NEK4: variants seen among roughly 807,000 people sequenced by gnomAD.
NEK4 encodes the protein serine/threonine-protein kinase Nek4.
NEK4 carries 86 observed loss-of-function variants against 98.4 expected under a neutral mutation model. The observed-to-expected ratio is 0.87, with a 90% CI of 0.73 to 1.05. NEK4 has a LOEUF of 1.05. NEK4 is among the 50% of genes least tolerant of loss of function. NEK4 has a pLI of 0.00. For synonymous variants in NEK4, 328 were observed against 342.2 expected, an observed-to-expected ratio of 0.96 and a Z score of 0.46; for missense variants, 898 against 950.3, an observed-to-expected ratio of 0.94 and a Z score of 0.72.
chr3:52,763,276 A>G (rs974000058), intron 5 of NEK4, among the ~76,000 whole-genome samples, 194 bp downstream of exon 5: 6 of 152,258 alleles, frequency 3.9e-5, no homozygotes, highest in Admixed American at 2.6e-4. Context: ...CTGTTAAATT[A>G]TAAGTTTAAT....
chr3:52,746,898 C>A lies in NEK4; in HGVS notation c.1513G>T (p.Val505Phe). 1.2e-6 allele frequency: 2 copies of A among 1,611,606 alleles called. No homozygotes were observed. The highest frequency in any genetic ancestry group is 1.7e-6 in the Non-Finnish European group (2 of 1,178,006). The change falls in exon 9 of 16, where the codon GTT becomes TTT. Residue 505 changes from valine to phenylalanine, a missense_variant. Val to Phe is a conservative substitution (Grantham distance 50, BLOSUM62 -1). Transcript: ENST00000233027. ...TGVCHHAQDQVAGECIIEKQG... is the reference protein window; with the variant it reads ...TGVCHHAQDQFAGECIIEKQG... ...TTTTCTATAATACATTCACCAGCAA[C>A]TTGATCCTTAAAAACAATAAAATGA...
intron 4 of NEK4, among the ~76,000 whole-genome samples, chr3:52,765,287 G>T (rs553347021): frequency 2.0e-5 from 3 of 150,764 alleles, no homozygotes; most frequent in Admixed American, 6.6e-5. Flanking sequence ...GGAGGTAGAG[G>T]TTGCTGTGAG....
Position 52,766,325 on chromosome 3 carries a change from G to C in NEK4, c.411C>G (p.Val137=). 3 of 1,614,056 alleles carry C rather than the reference G, an allele frequency of 1.9e-6. No homozygotes were observed. Among genetic ancestry groups the C allele is most frequent in the Non-Finnish European group, 2.5e-6 (3 of 1,179,948 alleles). The part of the protein sequence containing the change: ...ILHRDLKTQN[V]FLTRTNIIKV... ...TGATGATGTTTGTTCTTGTTAGGAA[G>C]ACATTTTGAGTTTTCAGATCTCGAT... The change falls in exon 3 of 16, where the codon GTC becomes GTG. Residue 137 remains valine (V), a synonymous_variant. Coordinates refer to ENST00000233027, the MANE Select transcript of NEK4 (RefSeq NM_003157.6).
At chr3:52,713,720 C>A (rs1021856595) in intron 15 of NEK4, among the ~76,000 whole-genome samples, 2 of 147,982 alleles carry the variant, frequency 1.4e-5, no homozygotes, top group Non-Finnish European at 3.0e-5. Context: ...CTTGAACCCG[C>A]GAGGCGGAGG....
At chr3:52,733,905 CACA>C in intron 15 of NEK4, 3 of 289,862 alleles carry the variant, frequency 1.0e-5, no homozygotes, top group Non-Finnish European at 2.0e-5. Flanking sequence ...TCATAGCTAA[CACA>C]ACATTGGAAG....
intron 6 of NEK4, among the ~76,000 whole-genome samples, chr3:52,752,933 T>TATACACACACACAC (rs148965312): frequency 1.2e-4 from 9 of 75,560 alleles, no homozygotes; most frequent in South Asian, 3.2e-4. Context: ...TATATATATA[T>TATACACACACACAC]ACACACACAC....
At chr3:52,755,095 G>A (rs1401418143) in intron 6 of NEK4, among the ~76,000 whole-genome samples, 69 of 114,768 alleles carry the variant, frequency 6.0e-4, no homozygotes, top group Admixed American at 8.9e-4. Context: ...AAAGAAAAAA[G>A]AAAAACAAAA....
chr3:52,756,437 A>C (rs2097415261), intron 6 of NEK4, among the ~76,000 whole-genome samples: 1 of 152,268 alleles, frequency 6.6e-6, no homozygotes, highest in African/African-American at 2.4e-5. Context: ...TGGGGAACCC[A>C]GAAATAAACT....
chr3:52,767,616 G>A (rs541949483), intron 2 of NEK4, among the ~76,000 whole-genome samples: 3 of 152,142 alleles, frequency 2.0e-5, no homozygotes, highest in African/African-American at 7.2e-5. Context: ...TACTTGGGAG[G>A]CTGAGGCAGG....
At position 52,746,234 on chromosome 3, in the gene NEK4, T is replaced by C. The variant is rs766362889; in HGVS notation, c.1678-24A>G. On this transcript the variant is annotated intron_variant, in intron 9 of 15. Coordinates refer to ENST00000233027, the MANE Select transcript of NEK4 (RefSeq NM_003157.6). ...AACTTAAATAATTAAAAAAGAAGAT[T>C]ATCAGTTTCATATATAGCCCCTTCC... 10 of 1,610,434 alleles carry C rather than the reference T, an allele frequency of 6.2e-6. No homozygotes were observed. The South Asian group carries it at 7.7e-5, about 12-fold the overall frequency.
At chr3:52,745,961 G>T in intron 10 of NEK4, 100 bp downstream of exon 10, 1 of 1,056,600 alleles carries the variant, frequency 9.5e-7, no homozygotes, top group Non-Finnish European at 1.4e-6. Flanking sequence ...GGACTCAATT[G>T]ATCCTCTTGC....
chr3:52,762,173 G>T (rs1698382302), intron 5 of NEK4, among the ~76,000 whole-genome samples: 1 of 152,200 alleles, frequency 6.6e-6, no homozygotes, highest in Non-Finnish European at 1.5e-5. Context: ...TGGAACACCT[G>T]TTTAGTAAAG....
At chr3:52,763,393 T>C in intron 5 of NEK4, 77 bp downstream of exon 5, 2 of 1,341,460 alleles carry the variant, frequency 1.5e-6, no homozygotes, top group South Asian at 1.5e-5. Flanking sequence ...CATTAATTCT[T>C]GCATATGAAT....
chr3:52,768,336 A>G lies in NEK4; in HGVS notation c.360+2T>C. On this transcript the variant is annotated splice_donor_variant, in intron 2 of 15. Transcript: ENST00000233027. LOFTEE classifies it high-confidence loss of function. ...CTAGGATGCTATTAGTCTACACAGT[A>G]CCTGCAAAGCCATGGCGATCTGTAC... is the stretch of plus-strand genomic sequence containing the variant. 1 of 1,614,042 alleles carries G rather than the reference A, an allele frequency of 6.2e-7. No homozygotes were observed. Among genetic ancestry groups the G allele is most frequent in the Non-Finnish European group, 8.5e-7 (1 of 1,179,894 alleles).
At chr3:52,718,472 CAAAAA>C (rs35974184) in intron 15 of NEK4, among the ~76,000 whole-genome samples, 3 of 92,432 alleles carry the variant, frequency 3.2e-5, no homozygotes, top group Admixed American at 1.1e-4. Context: ...GACTCCGTCT[CAAAAA>C]AAAAAAAAAA....
chr3:52,766,565 G>T (rs1312666398), intron 2 of NEK4, among the ~76,000 whole-genome samples, 190 bp from the exon 3 acceptor site: 1 of 152,022 alleles, frequency 6.6e-6, no homozygotes, highest in Non-Finnish European at 1.5e-5. Context: ...CTAAATAAAA[G>T]GTCTAATTTA....
intron 12 of NEK4, among the ~76,000 whole-genome samples, chr3:52,742,621 A>G (rs976509317): frequency 1.3e-5 from 2 of 152,166 alleles, no homozygotes; most frequent in Non-Finnish European, 2.9e-5. Flanking sequence ...TCCCTACATC[A>G]TCTACAGGCA....
intron 6 of NEK4, among the ~76,000 whole-genome samples, chr3:52,757,273 C>A (rs548773965): frequency 6.6e-6 from 1 of 152,284 alleles, no homozygotes; most frequent in African/African-American, 2.4e-5. Flanking sequence ...AAATCAGGGT[C>A]TTAGCTGGGA....
At chr3:52,770,336 G>A (rs1314471202) in intron 1 of NEK4, among the ~76,000 whole-genome samples, 2 of 151,820 alleles carry the variant, frequency 1.3e-5, no homozygotes, top group Admixed American at 6.6e-5. Flanking sequence ...TGGGAGAAAG[G>A]TGTGTAGATC....
Sources: allele counts gnomAD v4.1 joint callset (sites outside exome capture counted in the v4.1 genomes callset), GRCh38; gene constraint gnomAD v4.1.1; transcripts MANE v1.5; gene names NCBI Gene and HGNC (gene_info 2026-07-23, HGNC 2026-07-21).